Variants in KLHDC2 observed in about 807,000 individuals in gnomAD.
KLHDC2 encodes the protein kelch domain-containing protein 2.
KLHDC2 carries 38 observed loss-of-function variants against 62.3 expected under a neutral mutation model. The ratio of observed to expected loss-of-function variants is 0.61; its 90% CI spans 0.47 to 0.80. The LOEUF is 0.80. KLHDC2 is among the 30% of genes least tolerant of loss of function. The probability of loss-of-function intolerance (pLI) is 0.00; values close to 1 mark genes in which losing one functional copy is unlikely to be tolerated. For synonymous variants in KLHDC2, 159 were observed against 161.0 expected (o/e 0.99, Z 0.09); for missense variants, 430 against 495.3 (o/e 0.87, Z 1.25).
rs1010637814 is a variant in KLHDC2, at chr14:49,782,199, A to C, written c.957-171A>C. On this transcript the variant is annotated intron_variant, in intron 10 of 12. Coordinates refer to ENST00000298307, the MANE Select transcript of KLHDC2 (RefSeq NM_014315.3). ...AAAATAATATCCAGATAAAATAGAT[A>C]TTGATTGATCTGCTTTTGCTACTTT... The C allele has an allele frequency of 5.5e-6, 3 of 545,148 alleles. No homozygotes were observed. In the African/African-American group the frequency reaches 5.8e-5, roughly 11 times the overall value. The allele number at this position is 545,148 out of a possible 1,614,324, so 33.8% of individuals were successfully genotyped here.
intron 10 of KLHDC2, 152 bp downstream of exon 10, chr14:49,780,927 G>GT: frequency 1.6e-6 from 1 of 613,102 alleles, no homozygotes; most frequent in Non-Finnish European, 2.9e-6. Context: ...TGTTATCCTA[G>GT]TATCGAATGA....
rs367979222 is a variant in KLHDC2 at position 49,778,400 on chromosome 14, A to G, written c.550-11A>G. 5 of 1,501,754 alleles carry G rather than the reference A, an allele frequency of 3.3e-6. No individual in the cohort carries two copies. Among genetic ancestry groups the G allele is most frequent in the Middle Eastern group, 2.1e-4 (1 of 4,842 alleles). 93.0% of individuals were successfully genotyped at this position (1,501,754 alleles called of 1,614,324 possible). On this transcript the variant is annotated splice_polypyrimidine_tract_variant and intron_variant, in intron 5 of 12. Coordinates refer to ENST00000298307, the MANE Select transcript of KLHDC2 (RefSeq NM_014315.3). The stretch of plus-strand genomic sequence containing the variant: ...CATTTCTAAAATAACGCGGATTCTT[A>G]TTTTCTGTAGAATTCAAGTCATCCA...
chr14:49,775,481 A>G (rs1413122546), intron 3 of KLHDC2, among the ~76,000 whole-genome samples: 1 of 152,242 alleles, frequency 6.6e-6, no homozygotes, highest in East Asian at 1.9e-4. Context: ...AGTATTGTTG[A>G]AACTGAAAAC....
rs1482008131 is a variant in KLHDC2 at position 49,783,028 on chromosome 14, T to C, written c.*75T>C. 8.2e-6 allele frequency: 12 copies of C among 1,462,736 alleles called. No homozygotes were observed. The highest frequency in any genetic ancestry group is 1.4e-5 in the African/African-American group (1 of 71,044). 90.6% of individuals were successfully genotyped at this position (1,462,736 alleles called of 1,614,324 possible). A position where few individuals can be genotyped will look rare whatever the true frequency, so the allele number is the denominator to read the frequency against. On this transcript the variant is annotated 3_prime_UTR_variant, in exon 13 of 13. Coordinates refer to ENST00000298307, the MANE Select transcript of KLHDC2 (RefSeq NM_014315.3). ...AAACATCACAGAGTGGCATCATTTG[T>C]ATAATTATATGCATTGTTGTAGTTT...
At chr14:49,781,112 C>T (rs545295017) in intron 10 of KLHDC2, among the ~76,000 whole-genome samples, 10 of 152,284 alleles carry the variant, frequency 6.6e-5, no homozygotes, top group Admixed American at 4.6e-4. Context: ...GTGGCTCATG[C>T]CGGTAATCCC....
intron 1 of KLHDC2, among the ~76,000 whole-genome samples, chr14:49,769,804 G>C (rs1227728379): frequency 6.6e-6 from 1 of 151,924 alleles, no homozygotes; most frequent in Non-Finnish European, 1.5e-5. Flanking sequence ...TTAGCCTGGC[G>C]TGGTGACGGG....
chr14:49,779,951 TTTTA>T (rs1230218546), intron 8 of KLHDC2, 145 bp downstream of exon 8: 1 of 662,738 alleles, frequency 1.5e-6, no homozygotes, highest in Non-Finnish European at 2.6e-6. Context: ...AAGGAATGAA[TTTTA>T]TTTTTGTGTT....
At position 49,768,500 on chromosome 14, in the gene KLHDC2, A is replaced by T; in HGVS notation, c.32A>T (p.Asp11Val). The change falls in exon 1 of 13, where the codon GAC (aspartate) becomes GTC (valine). Residue 11 changes from aspartate to valine, a missense_variant. Asp to Val is a radical substitution (Grantham distance 152). Coordinates refer to ENST00000298307, the MANE Select transcript of KLHDC2 (RefSeq NM_014315.3). ...GATGGCAACGAGGATCTGCGGGCTG[A>T]CGACTTGCCTGGGCCAGCCTTCGAG... MADGNEDLRA[D>V]DLPGPAFESY... 1 of 1,609,992 alleles carries T rather than the reference A, an allele frequency of 6.2e-7. No homozygotes were observed. Among genetic ancestry groups the T allele is most frequent in the Non-Finnish European group, 8.5e-7 (1 of 1,178,640 alleles).
chr14:49,773,977 A>G (rs1220759148), intron 2 of KLHDC2, among the ~76,000 whole-genome samples: 1 of 152,234 alleles, frequency 6.6e-6, no homozygotes, highest in East Asian at 1.9e-4. Flanking sequence ...CCTTGAGTAT[A>G]CTATTAGAAT....
chr14:49,774,717 T>A (rs1475493810), intron 3 of KLHDC2, 39 bp downstream of exon 3: 1 of 1,216,594 alleles, frequency 8.2e-7, no homozygotes, highest in Admixed American at 1.7e-5. Context: ...GGCATTTTTA[T>A]TCTTATTATC....
At chr14:49,774,121 A>T (rs1218858750) in intron 2 of KLHDC2, among the ~76,000 whole-genome samples, 7 of 152,242 alleles carry the variant, frequency 4.6e-5, no homozygotes, top group African/African-American at 1.4e-4. Context: ...ACTGAATCTG[A>T]TGCATATGAA....
intron 2 of KLHDC2, among the ~76,000 whole-genome samples, chr14:49,771,991 A>G (rs1889674734): frequency 2.0e-5 from 3 of 152,220 alleles, no homozygotes; most frequent in African/African-American, 4.8e-5. Flanking sequence ...ACTGTCTCCA[A>G]AAACAAACAA....
intron 2 of KLHDC2, 67 bp from the exon 3 acceptor site, chr14:49,774,494 A>T (rs1021137761): frequency 1.3e-3 from 1,279 of 992,878 alleles, no homozygotes; most frequent in Admixed American, 1.3e-3. Context: ...AAGTAGAAGA[A>T]GAAAAATTAA....
chr14:49,770,789 G>A (rs914752674), intron 1 of KLHDC2, among the ~76,000 whole-genome samples: 3 of 152,248 alleles, frequency 2.0e-5, no homozygotes, highest in Non-Finnish European at 4.4e-5. Flanking sequence ...ATTAATACCT[G>A]AAGGGAAATG....
rs1478804062 is a variant in KLHDC2, at chr14:49,768,481, A to T, written c.13A>T (p.Asn5Tyr). ...GTGCAGCCTCAAGATGGCTGATGGC[A>T]ACGAGGATCTGCGGGCTGACGACTT... MADGNEDLRADDLPG... is the reference protein window; with the variant it reads MADGYEDLRADDLPG... Residue 5 changes from asparagine (N) to tyrosine (Y), a missense_variant, in exon 1 of 13, where the codon AAC becomes TAC. Physicochemically the swap from Asn to Tyr is moderately radical, Grantham distance 143. Transcript: ENST00000298307. 6.2e-7 allele frequency: 1 copy of T among 1,610,128 alleles called. No homozygotes were observed. Among genetic ancestry groups the T allele is most frequent in the Non-Finnish European group, 8.5e-7 (1 of 1,178,670 alleles).
At position 49,785,009 on chromosome 14, in the gene KLHDC2, A is replaced by G. The variant is rs1262763495; in HGVS notation, c.*2056A>G. ...TATTCAAGGCTGTTTTTGCAGCTGTAAATACAAAAAAGAGTAAGAATAATC... is the reference window on the plus strand; with the variant it reads ...TATTCAAGGCTGTTTTTGCAGCTGTGAATACAAAAAAGAGTAAGAATAATC... On this transcript the variant is annotated 3_prime_UTR_variant, in exon 13 of 13. Coordinates refer to ENST00000298307, the MANE Select transcript of KLHDC2 (RefSeq NM_014315.3). 3.0e-5 allele frequency: 49 copies of G among 1,612,874 alleles called. No individual in the cohort carries two copies. The highest frequency in any genetic ancestry group is 4.0e-5 in the Non-Finnish European group (47 of 1,179,098).
chr14:49,779,126 A>G (rs181335260), intron 6 of KLHDC2, among the ~76,000 whole-genome samples: 42 of 152,304 alleles, frequency 2.8e-4, no homozygotes, highest in African/African-American at 9.1e-4. Flanking sequence ...AAATGCTCCA[A>G]TGAGCATTTC....
intron 2 of KLHDC2, among the ~76,000 whole-genome samples, chr14:49,773,557 T>C (rs1325872594): frequency 1.4e-5 from 2 of 146,042 alleles, no homozygotes; most frequent in African/African-American, 5.0e-5. Context: ...CTGTTTCTAT[T>C]TAAAAATAAT....
chr14:49,770,440 C>T (rs186693214), intron 1 of KLHDC2, among the ~76,000 whole-genome samples: 1 of 152,296 alleles, frequency 6.6e-6, no homozygotes, highest in Admixed American at 6.5e-5. Flanking sequence ...AGTTGTTTTA[C>T]GTGGTCAACT....
Sources: allele counts gnomAD v4.1 joint callset (sites outside exome capture counted in the v4.1 genomes callset), GRCh38; gene constraint gnomAD v4.1.1; transcripts MANE v1.5; gene names NCBI Gene and HGNC (gene_info 2026-07-23, HGNC 2026-07-21).